The following ZFAT variants were observed in gnomAD, a reference collection of about 807,000 sequenced individuals.
ZFAT encodes zinc finger and AT-hook domain containing, also known as zinc finger protein ZFAT.
A neutral mutation model predicts 117.7 loss-of-function variants in ZFAT; 64 were observed. The ratio of observed to expected loss-of-function variants is 0.54; its 90% CI spans 0.44 to 0.67. ZFAT has a LOEUF of 0.67. ZFAT is among the 30% of genes least tolerant of loss of function. The probability of loss-of-function intolerance (pLI) is 0.00; values close to 1 mark genes in which losing one functional copy is unlikely to be tolerated. For synonymous variants in ZFAT, 679 were observed against 615.0 expected, an observed-to-expected ratio of 1.10 and a Z score of -1.54; for missense variants, 1,433 against 1,584.5, an observed-to-expected ratio of 0.90 and a Z score of 1.62.
Position 134,670,266 on chromosome 8 carries a change from C to T in ZFAT, c.20-12529G>A, listed in dbSNP as rs542468028. Among the ~76,000 whole-genome samples the T allele has an allele frequency of 1.5e-3, 234 of 152,356 alleles. 4 individuals are homozygous for T. Among genetic ancestry groups the T allele is most frequent in the Admixed American group, 0.014 (208 of 15,306 alleles). ...ACCAAGTGGACCTAGTAGACATCTA[C>T]AGAACTCTCCACCCCAAATCAACAG... On this transcript the variant is annotated intron_variant, in intron 1 of 15. Transcript: ENST00000377838.
chr8:134,716,550 A>G (rs1340946487), upstream of ZFAT, among the ~76,000 whole-genome samples: 1 of 152,190 alleles, frequency 6.6e-6, no homozygotes, highest in African/African-American at 2.4e-5. Context: ...AAAGAAGCTA[A>G]TTCCATGTGT....
chr8:134,518,437 A>G (rs1004625227), intron 13 of ZFAT, among the ~76,000 whole-genome samples: 13 of 152,198 alleles, frequency 8.5e-5, no homozygotes, highest in Non-Finnish European at 1.6e-4. Flanking sequence ...CAGCAGAGAT[A>G]ATGTCAAACT....
At chr8:134,757,544 C>G in the ZFAT span, among the ~76,000 whole-genome samples, 1 of 152,064 alleles carries the variant, frequency 6.6e-6, no homozygotes, top group Non-Finnish European at 1.5e-5. Context: ...GGCAATGTCC[C>G]GCTGTCACTG....
the ZFAT span, among the ~76,000 whole-genome samples, chr8:134,760,273 G>GAAAAAAAAA: frequency 1.2e-4 from 15 of 128,692 alleles, no homozygotes; most frequent in South Asian, 2.5e-4. Context: ...GTCTCAAAAA[G>GAAAAAAAAA]AAAAAAAAAA....
chr8:134,526,226 A>C (rs548005529), intron 12 of ZFAT, among the ~76,000 whole-genome samples: 7 of 152,346 alleles, frequency 4.6e-5, no homozygotes, highest in African/African-American at 1.7e-4. Context: ...ATTATATTTA[A>C]ATTAAACTTA....
the ZFAT span, among the ~76,000 whole-genome samples, chr8:134,801,957 C>T: frequency 6.6e-6 from 1 of 152,272 alleles, no homozygotes; most frequent in South Asian, 2.1e-4. Context: ...TTATGTTCCA[C>T]CCCAGACCTA....
chr8:134,549,939 G>A (rs1023659929), intron 11 of ZFAT, among the ~76,000 whole-genome samples: 3 of 152,104 alleles, frequency 2.0e-5, no homozygotes, highest in Non-Finnish European at 4.4e-5. Context: ...AGAGGCCCTC[G>A]GACCTCTTCA....
intron 11 of ZFAT, among the ~76,000 whole-genome samples, chr8:134,534,329 AC>A (rs1178988684): frequency 6.6e-6 from 1 of 152,218 alleles, no homozygotes; most frequent in Non-Finnish European, 1.5e-5. Flanking sequence ...ATCTATTAAG[AC>A]CTCAAACACT....
intron 1 of ZFAT, among the ~76,000 whole-genome samples, chr8:134,697,466 G>A (rs1446059331): frequency 6.8e-6 from 1 of 147,684 alleles, no homozygotes; most frequent in Non-Finnish European, 1.5e-5. Context: ...GGTGGCTCAC[G>A]CCTATAATCC....
At chr8:134,641,670 G>A (rs1830591397) in intron 2 of ZFAT, among the ~76,000 whole-genome samples, 1 of 152,218 alleles carries the variant, frequency 6.6e-6, no homozygotes, top group Non-Finnish European at 1.5e-5. Context: ...CTCGAACGGA[G>A]CTGGATGTGG....
intron 15 of ZFAT, among the ~76,000 whole-genome samples, chr8:134,500,889 A>G (rs997051783): frequency 2.0e-5 from 3 of 152,214 alleles, no homozygotes; most frequent in Non-Finnish European, 2.9e-5. Flanking sequence ...AAGTATGAGA[A>G]CACTTTTAAG....
intron 15 of ZFAT, among the ~76,000 whole-genome samples, chr8:134,508,012 T>C (rs1052318553): frequency 2.0e-5 from 3 of 152,124 alleles, no homozygotes; most frequent in Non-Finnish European, 4.4e-5. Flanking sequence ...AGCCTGGAAG[T>C]GTATGAATCT....
chr8:134,808,313 C>T, the ZFAT span, among the ~76,000 whole-genome samples: 3 of 152,356 alleles, frequency 2.0e-5, no homozygotes, highest in East Asian at 5.8e-4. Context: ...AAGGTTGAGA[C>T]TAGGAGACCA....
chr8:134,653,283 A>AAAAAC (rs1831380180), intron 2 of ZFAT, among the ~76,000 whole-genome samples: 1 of 116,162 alleles, frequency 8.6e-6, no homozygotes. Flanking sequence ...AAAAAAAAAA[A>AAAAAC]AAAAAAAACA....
the ZFAT span, among the ~76,000 whole-genome samples, chr8:134,746,852 C>G: frequency 6.6e-6 from 1 of 152,182 alleles, no homozygotes; most frequent in South Asian, 2.1e-4. Flanking sequence ...GAACTAGAAT[C>G]CACGCTTTGT....
At chr8:134,501,981 G>C (rs906813207) in intron 15 of ZFAT, among the ~76,000 whole-genome samples, 3 of 152,236 alleles carry the variant, frequency 2.0e-5, no homozygotes, top group African/African-American at 7.2e-5. Flanking sequence ...TAAAGAGTTA[G>C]AAGAGTATCT....
chr8:134,728,159 T>C, the ZFAT span, among the ~76,000 whole-genome samples: 1 of 151,594 alleles, frequency 6.6e-6, no homozygotes, highest in African/African-American at 2.4e-5. Flanking sequence ...TTATGGAATA[T>C]TTTTCCTAAG....
intron 1 of ZFAT, among the ~76,000 whole-genome samples, chr8:134,690,754 A>C (rs1456486777): frequency 6.6e-6 from 1 of 152,236 alleles, no homozygotes; most frequent in African/African-American, 2.4e-5. Context: ...ACCAAAATAC[A>C]AAATAAATAT....
rs139360453 is a variant in ZFAT, at chr8:134,478,936, C to T, written c.3493-215G>A. ...ATGTAGGGCAACGTGGTCAGGGTCC[C>T]CAGCCGTGGCAAATGGTGGAACCTA... is the stretch of plus-strand genomic sequence containing the variant. On this transcript the variant is annotated intron_variant, in intron 15 of 15. Transcript: ENST00000377838. The surrounding 1 kb of genome is among the most constrained non-coding windows in gnomAD (Gnocchi z 5.2). 7.2e-5 allele frequency among the ~76,000 whole-genome samples: 11 copies of T among 152,274 alleles called. No homozygotes were observed. In the Middle Eastern group the frequency reaches 0.01, roughly 141 times the overall value.
Sources: gnomAD v4.1 joint callset for allele counts (sites outside exome capture counted in the v4.1 genomes callset) on GRCh38, gnomAD v4.1.1 for gene constraint, Gnocchi (gnomAD v3.1) non-coding constraint, MANE v1.5 for transcripts, NCBI Gene and HGNC (gene_info 2026-07-23, HGNC 2026-07-21) for gene names.